Variants in CGNL1 observed in about 807,000 individuals in gnomAD.
CGNL1 encodes cingulin like 1.
CGNL1 carries 132 observed loss-of-function variants against 141.2 expected under a neutral mutation model. The ratio of observed to expected loss-of-function variants is 0.93; its 90% CI spans 0.81 to 1.08. The LOEUF (loss-of-function observed/expected upper bound fraction) is 1.08, where lower values mean the gene tolerates loss of function less well. CGNL1 is among the 50% of genes least tolerant of loss of function. The pLI is 0.00. For synonymous variants in CGNL1, 690 were observed against 622.1 expected, an observed-to-expected ratio of 1.11 and a Z score of -1.63; for missense variants, 1,870 against 1,588.6, an observed-to-expected ratio of 1.18 and a Z score of -3.01.
At chr15:57,403,914 C>T (rs1402617220) in intron 1 of CGNL1, among the ~76,000 whole-genome samples, 1 of 152,238 alleles carries the variant, frequency 6.6e-6, no homozygotes, top group Admixed American at 6.5e-5. Context: ...GTTGCCTCCC[C>T]TGACCCCCTC....
chr15:57,480,227 G>A (rs1441978004), intron 8 of CGNL1, among the ~76,000 whole-genome samples: 5 of 152,126 alleles, frequency 3.3e-5, no homozygotes, highest in African/African-American at 9.7e-5. Flanking sequence ...GCATGGGTAT[G>A]AAAATATGCA....
chr15:57,421,711 T>C (rs1320970384), intron 1 of CGNL1, among the ~76,000 whole-genome samples: 3 of 152,078 alleles, frequency 2.0e-5, no homozygotes, highest in Non-Finnish European at 4.4e-5. Flanking sequence ...AATGGTGACG[T>C]CAGTGGCCCT....
chr15:57,426,447 ATTT>A (rs34527096), intron 1 of CGNL1, among the ~76,000 whole-genome samples: 6 of 139,872 alleles, frequency 4.3e-5, no homozygotes, highest in East Asian at 2.1e-4. Context: ...ACCAGGCCAC[ATTT>A]TTTTTTTTTT....
At position 57,442,422 on chromosome 15, in the gene CGNL1, G is replaced by C. The variant is rs1479697412; in HGVS notation, c.1747G>C (p.Glu583Gln). The change falls in exon 4 of 19, where the codon GAG becomes CAG. Residue 583 changes from glutamate to glutamine, a missense_variant. By Grantham distance (29) the Glu-to-Gln change is conservative (BLOSUM62 2). Coordinates refer to ENST00000281282, the MANE Select transcript of CGNL1 (RefSeq NM_032866.5). ...TAAAAGGAAAGTCAACTTGGTCTTT[G>C]AGAAAATCCAGACCTTAAAGTCTCG... ...ATKRKVNLVF[E>Q]KIQTLKSRAA... 3 of 1,613,642 alleles carry C rather than the reference G, an allele frequency of 1.9e-6. No individual in the cohort carries two copies. Among genetic ancestry groups the C allele is most frequent in the Admixed American group, 1.7e-5 (1 of 59,970 alleles).
chr15:57,409,506 T>A (rs2152267886), intron 1 of CGNL1, among the ~76,000 whole-genome samples: 1 of 152,284 alleles, frequency 6.6e-6, no homozygotes, highest in Non-Finnish European at 1.5e-5. Flanking sequence ...GCCACAGCTG[T>A]AATCCAATAG....
chr15:57,442,380 G>C lies in CGNL1; in HGVS notation c.1705G>C (p.Asp569His). ...CTGCTGTCCCTTTTTCAGAAGCACT[G>C]ATAATGACGATGCTACTAAAAGGAA... ...LYNYLKEGSTDNDDATKRKVN... is the reference protein window; with the variant it reads ...LYNYLKEGSTHNDDATKRKVN... The change falls in exon 4 of 19, where the codon GAT (aspartate) becomes CAT (histidine). Residue 569 changes from aspartate (D) to histidine (H), a missense_variant. By Grantham distance (81) the Asp-to-His change is moderately conservative. Coordinates refer to ENST00000281282, the MANE Select transcript of CGNL1 (RefSeq NM_032866.5). 6.2e-7 allele frequency: 1 copy of C among 1,608,574 alleles called. No individual in the cohort carries two copies. The highest frequency in any genetic ancestry group is 1.3e-5 in the African/African-American group (1 of 74,862).
At chr15:57,423,212 A>G (rs1281977094) in intron 1 of CGNL1, among the ~76,000 whole-genome samples, 1 of 152,198 alleles carries the variant, frequency 6.6e-6, no homozygotes, top group Non-Finnish European at 1.5e-5. Flanking sequence ...AGCTGAACTC[A>G]GACAACAGGC....
chr15:57,518,373 G>C lies in CGNL1; in HGVS notation c.2611-20G>C. On this transcript the variant is annotated intron_variant, in intron 9 of 18. Coordinates refer to ENST00000281282, the MANE Select transcript of CGNL1 (RefSeq NM_032866.5). ...TACAGCACACATCTAAGTGCACACT[G>C]ACCCAGTGTTTCATTGTAGGGAGAA... The C allele has an allele frequency of 6.4e-7, 1 of 1,572,172 alleles. No individual in the cohort carries two copies. The highest frequency in any genetic ancestry group is 8.7e-7 in the Non-Finnish European group (1 of 1,143,552).
intron 14 of CGNL1, among the ~76,000 whole-genome samples, chr15:57,534,624 C>T (rs2032149503): frequency 1.3e-5 from 2 of 152,198 alleles, no homozygotes; most frequent in South Asian, 4.1e-4. Context: ...TGTGCCTGTG[C>T]TTTCCTGCTG....
rs564690159 is a variant in CGNL1 at position 57,547,521 on chromosome 15, A to G, written c.*31A>G. 3.1e-6 allele frequency: 5 copies of G among 1,604,230 alleles called. No homozygotes were observed. Among genetic ancestry groups the G allele is most frequent in the Non-Finnish European group, 3.4e-6 (4 of 1,174,962 alleles). ...CTCCCGGGCTGTGGAAGTACCTGTC[A>G]TTCCTGCAGGAGCTGCAGCCACCCA... is the stretch of plus-strand genomic sequence containing the variant. On this transcript the variant is annotated 3_prime_UTR_variant, in exon 19 of 19. Coordinates refer to ENST00000281282, the MANE Select transcript of CGNL1 (RefSeq NM_032866.5).
intron 8 of CGNL1, among the ~76,000 whole-genome samples, chr15:57,469,309 T>G (rs1254640174): frequency 6.6e-6 from 1 of 151,504 alleles, no homozygotes; most frequent in African/African-American, 2.4e-5. Flanking sequence ...GAGTTCATCT[T>G]GAGGTCCTGG....
chr15:57,419,019 C>T (rs577032078), intron 1 of CGNL1, among the ~76,000 whole-genome samples: 12 of 152,204 alleles, frequency 7.9e-5, no homozygotes, highest in African/African-American at 2.9e-4. Context: ...CCTCCGCCTC[C>T]CGGATTCAAG....
intron 1 of CGNL1, among the ~76,000 whole-genome samples, chr15:57,410,119 T>C (rs1252906776): frequency 1.3e-5 from 2 of 152,108 alleles, no homozygotes; most frequent in Admixed American, 6.6e-5. Context: ...TCATTTGCAG[T>C]GTGAGGGTCA....
At chr15:57,502,337 G>C (rs1313955128) in intron 8 of CGNL1, among the ~76,000 whole-genome samples, 1 of 152,218 alleles carries the variant, frequency 6.6e-6, no homozygotes, top group Non-Finnish European at 1.5e-5. Context: ...TGGGAAAATG[G>C]AAAGGCTTGT....
chr15:57,535,227 A>T (rs1208578370), intron 14 of CGNL1, among the ~76,000 whole-genome samples: 1 of 152,216 alleles, frequency 6.6e-6, no homozygotes, highest in Non-Finnish European at 1.5e-5. Flanking sequence ...GCAAAATATG[A>T]TGAATACCTG....
intron 14 of CGNL1, among the ~76,000 whole-genome samples, chr15:57,535,856 A>T (rs1162093427): frequency 1.3e-5 from 2 of 152,180 alleles, no homozygotes; most frequent in African/African-American, 2.4e-5. Flanking sequence ...GAGGACAAGG[A>T]AGGCTGTGTA....
intron 8 of CGNL1, among the ~76,000 whole-genome samples, chr15:57,496,433 C>T (rs567355421): frequency 3.9e-5 from 6 of 152,234 alleles, no homozygotes; most frequent in Non-Finnish European, 5.9e-5. Flanking sequence ...ATCTAGGTTG[C>T]ATTCTCGTTA....
chr15:57,479,934 T>A (rs1792871285), intron 8 of CGNL1, among the ~76,000 whole-genome samples: 1 of 151,890 alleles, frequency 6.6e-6, no homozygotes, highest in South Asian at 2.1e-4. Context: ...GTCTGAAAGG[T>A]ATGAGAGGGT....
chr15:57,485,984 G>A (rs1351721239), intron 8 of CGNL1, among the ~76,000 whole-genome samples: 4 of 152,178 alleles, frequency 2.6e-5, no homozygotes, highest in Non-Finnish European at 5.9e-5. Flanking sequence ...GCCAAGGTAA[G>A]TCAGCAAACC....
Sources: gnomAD v4.1 joint callset for allele counts (sites outside exome capture counted in the v4.1 genomes callset) on GRCh38, gnomAD v4.1.1 for gene constraint, MANE v1.5 for transcripts, NCBI Gene and HGNC (gene_info 2026-07-23, HGNC 2026-07-21) for gene names.